GPC5: variants seen among roughly 807,000 people sequenced by gnomAD.
The protein encoded by GPC5 is glypican-5.
GPC5 carries 47 observed loss-of-function variants against 53.9 expected under a neutral mutation model. The observed-to-expected ratio is 0.87, with a 90% CI of 0.69 to 1.11. The LOEUF (loss-of-function observed/expected upper bound fraction) is 1.11. Ranked by LOEUF, GPC5 falls within the 50% of genes most tolerant of loss-of-function variation. The pLI is 0.00. For synonymous variants in GPC5, 286 were observed against 263.3 expected (o/e 1.09, Z -0.84); for missense variants, 748 against 713.1 (o/e 1.05, Z -0.56).
rs1309222827 is a variant in GPC5, at chr13:91,795,127, T to G, written c.1280+38707T>G. On this transcript the variant is annotated intron_variant, in intron 5 of 7. Transcript: ENST00000377067. ...AATTTATAATAGTTCTGCCACTGTATGGATATTTTTATATATATAGTGTTT... is the reference window on the plus strand; with the variant it reads ...AATTTATAATAGTTCTGCCACTGTAGGGATATTTTTATATATATAGTGTTT... 2.0e-5 allele frequency among the ~76,000 whole-genome samples: 3 copies of G among 152,226 alleles called. No individual in the cohort carries two copies. The East Asian group carries it at 5.8e-4, about 29-fold the overall frequency.
At chr13:91,541,530 G>A (rs2029928748) in intron 2 of GPC5, among the ~76,000 whole-genome samples, 2 of 152,086 alleles carry the variant, frequency 1.3e-5, no homozygotes, top group East Asian at 3.9e-4. Context: ...TTAATATCTA[G>A]CAGGAAAATA....
intron 5 of GPC5, among the ~76,000 whole-genome samples, chr13:91,808,349 C>T (rs2038255493): frequency 1.3e-5 from 2 of 152,088 alleles, no homozygotes; most frequent in Non-Finnish European, 2.9e-5. Context: ...CGATTTTGTG[C>T]CTTCCCATCT....
intron 6 of GPC5, among the ~76,000 whole-genome samples, chr13:91,917,567 C>A (rs1399494822): frequency 6.6e-6 from 1 of 152,224 alleles, no homozygotes. Flanking sequence ...TTCAACCCCA[C>A]ATTTCCCTTC....
At chr13:91,518,427 A>C (rs141397909) in intron 2 of GPC5, among the ~76,000 whole-genome samples, 2,015 of 152,304 alleles carry the variant, frequency 0.013, 41 homozygotes, top group African/African-American at 0.044. Context: ...GACAATTCGT[A>C]TTTAAATAAT....
chr13:92,158,631 A>G (rs1000814880), intron 7 of GPC5, among the ~76,000 whole-genome samples: 6 of 151,978 alleles, frequency 3.9e-5, no homozygotes, highest in African/African-American at 1.4e-4. Flanking sequence ...CTTTACTTCT[A>G]AATTTCTTTT....
Position 92,727,687 on chromosome 13 carries a change from G to T in GPC5, c.1562-138595G>T, listed in dbSNP as rs554812660. Reference sequence around the variant, plus strand: ...TTTCAAGCTTCATTTGCTGGGCAGAGTTGTGCTCCCTACCCTCTCACTTCT... The same window carrying T: ...TTTCAAGCTTCATTTGCTGGGCAGATTTGTGCTCCCTACCCTCTCACTTCT... On this transcript the variant is annotated intron_variant, in intron 7 of 7. Coordinates refer to ENST00000377067, the MANE Select transcript of GPC5 (RefSeq NM_004466.6). Among the ~76,000 whole-genome samples, 4 of 151,480 alleles carry T rather than the reference G, an allele frequency of 2.6e-5. No individual in the cohort carries two copies. In the Admixed American group the frequency reaches 2.6e-4, roughly 10 times the overall value.
rs71113766 is a variant in GPC5, at chr13:91,813,920, A to ATT, written c.1280+57529_1280+57530dup. 3.0e-3 allele frequency among the ~76,000 whole-genome samples: 221 copies of ATT among 72,640 alleles called. 27 individuals carry two copies. Among genetic ancestry groups the ATT allele is most frequent in the Middle Eastern group, 0.012 (1 of 86 alleles). The allele number at this position is 72,640 out of a possible 152,430, so 47.7% of individuals were successfully genotyped here. A position where few individuals can be genotyped will look rare whatever the true frequency, so the allele number is the denominator to read the frequency against. ...TTAGACTGTTGGATTATCTTAACTGATTTTTTTTTTTTTTTTTTTTTTTTT... is the reference window on the plus strand; with the variant it reads ...TTAGACTGTTGGATTATCTTAACTGATTTTTTTTTTTTTTTTTTTTTTTTTTT... On this transcript the variant is annotated intron_variant, in intron 5 of 7. Coordinates refer to ENST00000377067, the MANE Select transcript of GPC5 (RefSeq NM_004466.6).
intron 3 of GPC5, among the ~76,000 whole-genome samples, chr13:91,718,582 A>G (rs564649536): frequency 2.6e-5 from 4 of 152,220 alleles, no homozygotes; most frequent in South Asian, 4.1e-4. Flanking sequence ...CACAAAGCTC[A>G]ATGGTCATGT....
At chr13:91,483,461 C>A (rs993466991) in intron 2 of GPC5, among the ~76,000 whole-genome samples, 7 of 152,206 alleles carry the variant, frequency 4.6e-5, no homozygotes, top group Middle Eastern at 3.4e-3. Flanking sequence ...ATTTCATGCA[C>A]CCTGATGACT....
intron 7 of GPC5, among the ~76,000 whole-genome samples, chr13:92,163,078 A>G (rs944041866): frequency 2.0e-5 from 3 of 152,198 alleles, no homozygotes; most frequent in Non-Finnish European, 4.4e-5. Flanking sequence ...ATGTATGAAT[A>G]TATGAATGAG....
At chr13:92,302,865 C>G (rs376421700) in intron 7 of GPC5, among the ~76,000 whole-genome samples, 2 of 152,114 alleles carry the variant, frequency 1.3e-5, no homozygotes, top group East Asian at 1.9e-4. Context: ...GCAATAAAAC[C>G]GTCCCTCCTT....
chr13:92,195,577 A>C (rs995815560), intron 7 of GPC5, among the ~76,000 whole-genome samples: 1 of 152,108 alleles, frequency 6.6e-6, no homozygotes, highest in Non-Finnish European at 1.5e-5. Context: ...TTCTACTGAC[A>C]CCACGTATGT....
chr13:91,812,455 C>A lies in GPC5; in HGVS notation c.1280+56035C>A, dbSNP rs182076425. ...AGCACACTAGCTGCTTTATACTCTG[C>A]CACACACTTATGAAGTGATTAGAAC... is the stretch of plus-strand genomic sequence containing the variant. On this transcript the variant is annotated intron_variant, in intron 5 of 7. Coordinates refer to ENST00000377067, the MANE Select transcript of GPC5 (RefSeq NM_004466.6). 2.5e-3 allele frequency among the ~76,000 whole-genome samples: 378 copies of A among 152,258 alleles called. 3 individuals carry two copies. Among genetic ancestry groups the A allele is most frequent in the African/African-American group, 8.7e-3 (360 of 41,572 alleles).
intron 5 of GPC5, among the ~76,000 whole-genome samples, chr13:91,858,784 C>G (rs545737402): frequency 6.6e-6 from 1 of 151,934 alleles, no homozygotes; most frequent in Non-Finnish European, 1.5e-5. Context: ...ACCATTAGGT[C>G]CTGGATTTTT....
chr13:91,559,343 T>TGCTTACTGAATGAAAACAATGAGCTCA (rs2031130701), intron 2 of GPC5, among the ~76,000 whole-genome samples: 1 of 151,986 alleles, frequency 6.6e-6, no homozygotes, highest in Admixed American at 6.6e-5. Flanking sequence ...CACACTGGAG[T>TGCTTACTGAATGAAAACAATGAGCTCA]GCTTACTGAA....
chr13:92,708,856 C>CTTTTT, intron 7 of GPC5, among the ~76,000 whole-genome samples: 1 of 87,018 alleles, frequency 1.1e-5, no homozygotes, highest in African/African-American at 3.8e-5. Flanking sequence ...CTGGAAACCG[C>CTTTTT]CTTTTTTTTT....
chr13:91,844,611 T>C (rs748847405), intron 5 of GPC5, among the ~76,000 whole-genome samples: 1 of 152,198 alleles, frequency 6.6e-6, no homozygotes, highest in Non-Finnish European at 1.5e-5. Context: ...CATTCAAGGG[T>C]AACCATCCAC....
chr13:91,791,434 G>A (rs1172416957), intron 5 of GPC5, among the ~76,000 whole-genome samples: 3 of 152,018 alleles, frequency 2.0e-5, no homozygotes, highest in Non-Finnish European at 4.4e-5. Context: ...GTCTCTCATT[G>A]GCTACACCTA....
chr13:91,839,264 T>C (rs1022268506), intron 5 of GPC5, among the ~76,000 whole-genome samples: 2 of 152,162 alleles, frequency 1.3e-5, no homozygotes, highest in African/African-American at 4.8e-5. Context: ...TCATTAAGGA[T>C]TGCTCAGATT....
Sources: allele counts gnomAD v4.1 joint callset (sites outside exome capture counted in the v4.1 genomes callset), GRCh38; gene constraint gnomAD v4.1.1; transcripts MANE v1.5; gene names NCBI Gene and HGNC (gene_info 2026-07-23, HGNC 2026-07-21).